The following GRM8 variants were observed in gnomAD, a reference collection of about 807,000 sequenced individuals.
GRM8 encodes glutamate metabotropic receptor 8, also known as metabotropic glutamate receptor 8.
GRM8 carries 47 observed loss-of-function variants against 87.2 expected under a neutral mutation model. That is an observed-to-expected ratio of 0.54 (90% CI 0.43 to 0.69). GRM8 has a LOEUF of 0.69. Ranked by LOEUF, GRM8 falls within the 30% of genes least tolerant of loss-of-function variation. The pLI is 0.00. For synonymous variants in GRM8, 396 were observed against 404.5 expected (o/e 0.98, Z 0.25); for missense variants, 1,019 against 1,139.2 (o/e 0.89, Z 1.52).
At chr7:127,248,823 CA>C (rs989444867) in intron 1 of GRM8, among the ~76,000 whole-genome samples, 3 of 151,994 alleles carry the variant, frequency 2.0e-5, no homozygotes, top group African/African-American at 7.2e-5. Flanking sequence ...GTCACAGGTC[CA>C]AAAAAAGTCA....
chr7:126,640,452 G>A (rs1031984295), intron 7 of GRM8, among the ~76,000 whole-genome samples: 1 of 152,128 alleles, frequency 6.6e-6, no homozygotes, highest in Non-Finnish European at 1.5e-5. Flanking sequence ...TGTTTGAGAT[G>A]AAATCAACTA....
At chr7:127,053,804 G>GGT (rs1056487705) in intron 3 of GRM8, among the ~76,000 whole-genome samples, 8 of 135,150 alleles carry the variant, frequency 5.9e-5, no homozygotes, top group African/African-American at 2.2e-4. Flanking sequence ...AAAAAGGGGG[G>GGT]GGGGAATATA....
intron 6 of GRM8, among the ~76,000 whole-genome samples, chr7:126,789,011 G>A (rs574603716): frequency 1.3e-4 from 20 of 152,214 alleles, no homozygotes; most frequent in African/African-American, 4.8e-4. Flanking sequence ...AGGAGAAATA[G>A]AGCAAATAGC....
intron 8 of GRM8, among the ~76,000 whole-genome samples, chr7:126,534,983 A>G (rs1198700690): frequency 6.6e-6 from 1 of 152,180 alleles, no homozygotes; most frequent in Non-Finnish European, 1.5e-5. Flanking sequence ...CTGAGGAATA[A>G]GGAGACAGCT....
At chr7:126,471,579 C>T (rs1805239959) in intron 9 of GRM8, among the ~76,000 whole-genome samples, 1 of 151,774 alleles carries the variant, frequency 6.6e-6, no homozygotes, top group Non-Finnish European at 1.5e-5. Context: ...TACCATGCTT[C>T]TTTGGTTACT....
chr7:126,741,938 A>C (rs1473895612), intron 7 of GRM8, among the ~76,000 whole-genome samples: 1 of 152,028 alleles, frequency 6.6e-6, no homozygotes, highest in East Asian at 1.9e-4. Flanking sequence ...GAGACAACAC[A>C]TCCATTACAG....
At chr7:126,530,398 C>T (rs1814604886) in intron 9 of GRM8, among the ~76,000 whole-genome samples, 1 of 152,346 alleles carries the variant, frequency 6.6e-6, no homozygotes, top group East Asian at 1.9e-4. Context: ...ACCATCTTCC[C>T]CCGCCCTTGA....
chr7:127,156,261 T>C (rs891468011), intron 2 of GRM8, among the ~76,000 whole-genome samples: 5 of 152,086 alleles, frequency 3.3e-5, no homozygotes, highest in African/African-American at 4.8e-5. Flanking sequence ...GGTGGAAGAA[T>C]AGCAGCACCA....
In GRM8 at chr7:127,127,190, G is replaced by T. The variant is rs1282893562; in HGVS notation, c.511-20478C>A. 1.3e-4 allele frequency among the ~76,000 whole-genome samples: 19 copies of T among 151,878 alleles called. No homozygotes were observed. The South Asian group carries it at 3.3e-3, about 27-fold the overall frequency. On this transcript the variant is annotated intron_variant, in intron 2 of 10. Coordinates refer to ENST00000339582, the MANE Select transcript of GRM8 (RefSeq NM_000845.3). ...TATATATCCCTTATGTGTGTGGGGG[G>T]TATACACACACTCACATATGTACAT...
intron 8 of GRM8, among the ~76,000 whole-genome samples, chr7:126,587,588 A>G (rs1361668606): frequency 2.6e-5 from 4 of 151,712 alleles, no homozygotes; most frequent in Non-Finnish European, 5.9e-5. Context: ...CAAAAAAACC[A>G]AACACCGCAT....
At chr7:126,765,845 A>C (rs1224508248) in intron 7 of GRM8, among the ~76,000 whole-genome samples, 1 of 152,116 alleles carries the variant, frequency 6.6e-6, no homozygotes, top group Non-Finnish European at 1.5e-5. Context: ...TTCTGGATAC[A>C]CTGTGATTCA....
At chr7:127,092,217 A>G (rs1043626990) in intron 3 of GRM8, among the ~76,000 whole-genome samples, 7 of 151,724 alleles carry the variant, frequency 4.6e-5, no homozygotes, top group South Asian at 4.2e-4. Flanking sequence ...GACACTTGAC[A>G]ATTTCTGAGG....
At chr7:126,966,104 T>C (rs1370025749) in intron 3 of GRM8, among the ~76,000 whole-genome samples, 2 of 151,882 alleles carry the variant, frequency 1.3e-5, no homozygotes, top group African/African-American at 4.8e-5. Context: ...TTTATGGGTA[T>C]AGGAGGAGGT....
rs560998975 is a variant in GRM8 at position 127,131,546 on chromosome 7, A to C, written c.511-24834T>G. On this transcript the variant is annotated intron_variant, in intron 2 of 10. Transcript: ENST00000339582. ...CAGGGCCAGGGACTGTCAGATAACG[A>C]GGGCTTCCTTGTACCACCTTCTCAA... Among the ~76,000 whole-genome samples the C allele has an allele frequency of 2.0e-4, 30 of 152,340 alleles. No homozygotes were observed. The South Asian group carries it at 6.2e-3, about 32-fold the overall frequency.
At chr7:126,594,464 G>C (rs570880548) in intron 8 of GRM8, among the ~76,000 whole-genome samples, 1 of 152,128 alleles carries the variant, frequency 6.6e-6, no homozygotes, top group South Asian at 2.1e-4. Flanking sequence ...AGGACATTAT[G>C]TTGAGTAAAA....
chr7:127,052,538 C>T (rs1021767955), intron 3 of GRM8, among the ~76,000 whole-genome samples: 1 of 152,174 alleles, frequency 6.6e-6, no homozygotes, highest in African/African-American at 2.4e-5. Flanking sequence ...CATAGACAAG[C>T]AGTGTAGGAT....
chr7:126,725,407 C>T (rs184854238), intron 7 of GRM8, among the ~76,000 whole-genome samples: 58 of 152,198 alleles, frequency 3.8e-4, no homozygotes, highest in Non-Finnish European at 1.2e-4. Context: ...CTGCCTAGGA[C>T]GAAGGTCCAC....
intron 7 of GRM8, among the ~76,000 whole-genome samples, chr7:126,623,784 G>A (rs184968665): frequency 6.6e-6 from 1 of 152,170 alleles, no homozygotes; most frequent in African/African-American, 2.4e-5. Context: ...AAATAAACAA[G>A]GCCCATATCT....
chr7:127,168,057 T>C (rs1793562346), intron 2 of GRM8, among the ~76,000 whole-genome samples: 1 of 152,062 alleles, frequency 6.6e-6, no homozygotes, highest in Admixed American at 6.5e-5. Context: ...GAAACTATCA[T>C]CAGAGTGAAA....
Sources: gnomAD v4.1 joint callset for allele counts (sites outside exome capture counted in the v4.1 genomes callset) on GRCh38, gnomAD v4.1.1 for gene constraint, MANE v1.5 for transcripts, NCBI Gene and HGNC (gene_info 2026-07-23, HGNC 2026-07-21) for gene names.